The following LRRC4C variants were observed in gnomAD, a reference collection of about 807,000 sequenced individuals.
LRRC4C encodes leucine rich repeat containing 4C.
In LRRC4C, 5 loss-of-function variants were observed where a neutral mutation model predicts 33.6. The ratio of observed to expected loss-of-function variants is 0.15; its 90% CI spans 0.08 to 0.31. LRRC4C has a LOEUF of 0.31. Among genes scored for constraint, LRRC4C ranks in the 10% least tolerant of loss-of-function variants. LRRC4C has a pLI of 1.00. For missense variants in LRRC4C, 560 were observed against 796.7 expected, an observed-to-expected ratio of 0.70 and a Z score of 3.58; for synonymous variants, 329 against 302.0, an observed-to-expected ratio of 1.09 and a Z score of -0.93.
intron 3 of LRRC4C, among the ~76,000 whole-genome samples, chr11:40,500,414 G>A (rs1210664447): frequency 3.3e-5 from 5 of 151,150 alleles, no homozygotes; most frequent in African/African-American, 1.2e-4. Flanking sequence ...ATATGCATGT[G>A]TATTAGTCCA....
intron 2 of LRRC4C, among the ~76,000 whole-genome samples, chr11:40,920,030 T>A (rs551822522): frequency 9.3e-4 from 141 of 152,262 alleles, no homozygotes; most frequent in Middle Eastern, 3.4e-3. Context: ...ACTGCTTGAT[T>A]ACCTCTAGTG....
At chr11:40,873,292 C>T (rs1469980877) in intron 2 of LRRC4C, among the ~76,000 whole-genome samples, 1 of 152,126 alleles carries the variant, frequency 6.6e-6, no homozygotes, top group Non-Finnish European at 1.5e-5. Context: ...GCTGCAGTGC[C>T]TCAATAATGG....
chr11:41,290,319 G>T (rs117570996), intron 1 of LRRC4C, among the ~76,000 whole-genome samples: 1 of 152,196 alleles, frequency 6.6e-6, no homozygotes, highest in Non-Finnish European at 1.5e-5. Flanking sequence ...ATACAAGTTT[G>T]TGGTGCAGGT....
At chr11:41,407,301 CTT>C (rs552180859) in intron 1 of LRRC4C, among the ~76,000 whole-genome samples, 52 of 133,218 alleles carry the variant, frequency 3.9e-4, no homozygotes, top group Middle Eastern at 3.8e-3. Context: ...TGAATTTTTC[CTT>C]TTTTTTTTTT....
rs552970403 is a variant in LRRC4C, at chr11:40,674,851, TATTAACTCCA to T, written c.-406-26583_-406-26574del. On this transcript the variant is annotated intron_variant, in intron 2 of 6. Coordinates refer to ENST00000528697, the MANE Select transcript of LRRC4C (RefSeq NM_001258419.2). Reference sequence around the variant, plus strand: ...TATCAAAACTCTAAATGATGGGTGTTATTAACTCCATTTCATAGATGAAAAAACTGAGTTT... The same window carrying T: ...TATCAAAACTCTAAATGATGGGTGTTTTTCATAGATGAAAAAACTGAGTTT... Among the ~76,000 whole-genome samples the T allele has an allele frequency of 4.4e-3, 667 of 152,308 alleles. 4 individuals are homozygous for T. Among genetic ancestry groups the T allele is most frequent in the African/African-American group, 0.015 (625 of 41,568 alleles).
chr11:41,306,396 A>T (rs1950506918), intron 1 of LRRC4C, among the ~76,000 whole-genome samples: 1 of 152,252 alleles, frequency 6.6e-6, no homozygotes, highest in Non-Finnish European at 1.5e-5. Context: ...TTGAGACTTC[A>T]CTTTGTTTTC....
At position 41,019,809 on chromosome 11, in the gene LRRC4C, T is replaced by C. The variant is rs148015835; in HGVS notation, c.-495-86086A>G. Among the ~76,000 whole-genome samples the C allele has an allele frequency of 2.1e-3, 326 of 152,312 alleles. 2 individuals are homozygous for C. The highest frequency in any genetic ancestry group is 7.7e-3 in the African/African-American group (319 of 41,574). On this transcript the variant is annotated intron_variant, in intron 1 of 6. Transcript: ENST00000528697. ...TTTTTTCCACATTTTTTTGGCCATA[T>C]AAATGTCTACCTTTGAGAAGTGTCT...
At chr11:41,090,897 A>T (rs1037729575) in intron 1 of LRRC4C, among the ~76,000 whole-genome samples, 18 of 152,152 alleles carry the variant, frequency 1.2e-4, no homozygotes, top group African/African-American at 3.9e-4. Context: ...GCCAGGCAGA[A>T]CTGTGAGTCT....
chr11:40,451,402 T>G (rs1445584255), intron 3 of LRRC4C, among the ~76,000 whole-genome samples: 7 of 107,122 alleles, frequency 6.5e-5, no homozygotes, highest in Admixed American at 2.3e-4. Context: ...TTTTTTTTTT[T>G]TGAGACAGAG....
intron 3 of LRRC4C, among the ~76,000 whole-genome samples, chr11:40,463,651 T>C (rs911588170): frequency 6.6e-6 from 1 of 152,108 alleles, no homozygotes; most frequent in Admixed American, 6.6e-5. Context: ...TATTCTAACA[T>C]ATGCATTATG....
intron 1 of LRRC4C, among the ~76,000 whole-genome samples, chr11:41,451,282 G>A (rs369780068): frequency 6.6e-6 from 1 of 152,016 alleles, no homozygotes; most frequent in Non-Finnish European, 1.5e-5. Context: ...CCATGACATC[G>A]TTCTGAGGTT....
rs575832244 is a variant in LRRC4C at position 41,203,127 on chromosome 11, C to T, written c.-496+256304G>A. ...CTTCAGTTTCTTGGGCTGTGTTCAT[C>T]ATGGAAGGTCTTATTCCTTCAGTCC... On this transcript the variant is annotated intron_variant, in intron 1 of 6. Transcript: ENST00000528697. Among the ~76,000 whole-genome samples the T allele has an allele frequency of 2.0e-5, 3 of 152,296 alleles. No homozygotes were observed. In the South Asian group the frequency reaches 6.2e-4, roughly 32 times the overall value.
At chr11:40,896,226 C>T (rs1173276236) in intron 2 of LRRC4C, among the ~76,000 whole-genome samples, 1 of 152,138 alleles carries the variant, frequency 6.6e-6, no homozygotes, top group East Asian at 1.9e-4. Flanking sequence ...ATACCCTTAG[C>T]TCTATAGGAT....
At chr11:40,325,854 G>T (rs1274055949) in intron 3 of LRRC4C, among the ~76,000 whole-genome samples, 1 of 151,908 alleles carries the variant, frequency 6.6e-6, no homozygotes, top group Non-Finnish European at 1.5e-5. Context: ...AACATATATG[G>T]ATTGACAAAG....
intron 1 of LRRC4C, among the ~76,000 whole-genome samples, chr11:41,135,237 C>A (rs1412921936): frequency 6.6e-6 from 1 of 152,028 alleles, no homozygotes; most frequent in Non-Finnish European, 1.5e-5. Flanking sequence ...TGGCTGTGTT[C>A]CATTTCTGCC....
In LRRC4C at chr11:40,598,093, T is replaced by C. The variant is rs141274000; in HGVS notation, c.-270+50049A>G. ...CTGAAGTAGCAGGGAAACTACTCCT[T>C]AGAGAAAACAGGCCACACAAGATAT... On this transcript the variant is annotated intron_variant, in intron 3 of 6. Coordinates refer to ENST00000528697, the MANE Select transcript of LRRC4C (RefSeq NM_001258419.2). Among the ~76,000 whole-genome samples the C allele has an allele frequency of 3.2e-4, 49 of 152,300 alleles. 1 individual carries two copies. The highest frequency in any genetic ancestry group is 8.2e-4 in the African/African-American group (34 of 41,564).
intron 1 of LRRC4C, among the ~76,000 whole-genome samples, chr11:41,065,493 T>G (rs1938161301): frequency 6.6e-6 from 1 of 152,274 alleles, no homozygotes; most frequent in East Asian, 1.9e-4. Flanking sequence ...TAATCTTTCC[T>G]GCCCACGGGC....
Position 41,099,999 on chromosome 11 carries a change from AC to A in LRRC4C, c.-495-166277del, listed in dbSNP as rs1941066480. ...AACAACTTGAGCAAAGTCTCGGGAT[AC>A]CCCCTCCCAAAAAAAAGTACAAAAA... On this transcript the variant is annotated intron_variant, in intron 1 of 6. Coordinates refer to ENST00000528697, the MANE Select transcript of LRRC4C (RefSeq NM_001258419.2). 2.0e-5 allele frequency among the ~76,000 whole-genome samples: 3 copies of A among 152,048 alleles called. No individual in the cohort carries two copies. The South Asian group carries it at 6.2e-4, about 32-fold the overall frequency.
chr11:41,093,472 T>G (rs912788027), intron 1 of LRRC4C, among the ~76,000 whole-genome samples: 1 of 152,228 alleles, frequency 6.6e-6, no homozygotes, highest in Non-Finnish European at 1.5e-5. Flanking sequence ...CCTAATTTTT[T>G]TGTTATTCTT....
Sources: gnomAD v4.1 joint callset for allele counts (sites outside exome capture counted in the v4.1 genomes callset) on GRCh38, gnomAD v4.1.1 for gene constraint, MANE v1.5 for transcripts, NCBI Gene and HGNC (gene_info 2026-07-23, HGNC 2026-07-21) for gene names.